Variants in UNC79 observed in about 807,000 individuals in gnomAD.
The protein encoded by UNC79 is unc-79 subunit of NALCN channel complex.
UNC79 carries 37 observed loss-of-function variants against 283.1 expected under a neutral mutation model. The ratio of observed to expected loss-of-function variants is 0.13; its 90% CI spans 0.10 to 0.17. UNC79 has a LOEUF of 0.17. Ranked by LOEUF, UNC79 falls within the 10% of genes least tolerant of loss-of-function variation. The pLI, the probability that UNC79 is intolerant of heterozygous loss-of-function variation, is 1.00. For synonymous variants in UNC79, 1,107 were observed against 1,200.2 expected, an observed-to-expected ratio of 0.92 and a Z score of 1.61; for missense variants, 2,272 against 3,211.1, an observed-to-expected ratio of 0.71 and a Z score of 7.07.
chr14:93,532,475 ATAAAT>A (rs1185036241), intron 10 of UNC79, 70 bp from the exon 11 acceptor site: 10 of 1,524,922 alleles, frequency 6.6e-6, no homozygotes, highest in African/African-American at 2.8e-5. Context: ...GTCTCAAAAA[ATAAAT>A]TAATTAATTA....
intron 11 of UNC79, among the ~76,000 whole-genome samples, chr14:93,535,404 G>A (rs2061019993): frequency 1.3e-5 from 2 of 152,114 alleles, no homozygotes; most frequent in Admixed American, 6.5e-5. Context: ...ACTTTTAGTC[G>A]GTATTCCAGA....
chr14:93,397,799 C>T (rs2055028586), intron 1 of UNC79, among the ~76,000 whole-genome samples: 1 of 149,770 alleles, frequency 6.7e-6, no homozygotes, highest in East Asian at 1.9e-4. Flanking sequence ...TGGTGTGCAC[C>T]TGGAATTCCA....
intron 2 of UNC79, among the ~76,000 whole-genome samples, chr14:93,469,315 A>C (rs2057377822): frequency 6.6e-6 from 1 of 152,190 alleles, no homozygotes; most frequent in Admixed American, 6.5e-5. Flanking sequence ...GTTGGAGAAG[A>C]TCCTATGCAA....
chr14:93,470,786 A>G (rs1294542246), intron 2 of UNC79, among the ~76,000 whole-genome samples: 2 of 152,206 alleles, frequency 1.3e-5, no homozygotes, highest in African/African-American at 4.8e-5. Context: ...TTTTAGCATT[A>G]GAAGTAACTA....
intron 48 of UNC79, 56 bp downstream of exon 51, chr14:93,704,722 G>A (rs1020353687): frequency 2.8e-5 from 45 of 1,585,396 alleles, no homozygotes; most frequent in South Asian, 1.2e-4. Context: ...AACGTATAAC[G>A]TTCCTAGGGA....
chr14:93,705,307 C>G (rs1398308341), intron 48 of UNC79, among the ~76,000 whole-genome samples: 1 of 106,988 alleles, frequency 9.3e-6, no homozygotes, highest in Non-Finnish European at 1.8e-5. Flanking sequence ...TTTGCAGTAA[C>G]AAGATTGTGT....
At chr14:93,355,711 T>C (rs1340839768) in intron 1 of UNC79, among the ~76,000 whole-genome samples, 2 of 152,244 alleles carry the variant, frequency 1.3e-5, no homozygotes, top group Non-Finnish European at 2.9e-5. Flanking sequence ...CTTCATCTCT[T>C]AACAACTCTT....
In UNC79 at chr14:93,682,598, C is replaced by A. The variant is rs966375690; in HGVS notation, c.6742-19C>A. ...TCCAGATACCCTTAAAAATAATTATCCTTTCACTTTTTTATTAGTTTATTT... is the reference window on the plus strand; with the variant it reads ...TCCAGATACCCTTAAAAATAATTATACTTTCACTTTTTTATTAGTTTATTT... On this transcript the variant is annotated intron_variant, in intron 41 of 48. Coordinates refer to ENST00000555664, the Ensembl canonical transcript of UNC79. 6.2e-7 allele frequency: 1 copy of A among 1,605,884 alleles called. No homozygotes were observed. Among genetic ancestry groups the A allele is most frequent in the African/African-American group, 1.3e-5 (1 of 74,772 alleles).
intron 1 of UNC79, among the ~76,000 whole-genome samples, chr14:93,436,265 T>C (rs1264722594): frequency 6.6e-6 from 1 of 152,218 alleles, no homozygotes; most frequent in African/African-American, 2.4e-5. Flanking sequence ...ATGCATGCTT[T>C]TCAAATGGAT....
At chr14:93,660,559 A>ATATATATATATATC (rs2071465145) in intron 39 of UNC79, among the ~76,000 whole-genome samples, 1 of 86,848 alleles carries the variant, frequency 1.2e-5, no homozygotes, top group Non-Finnish European at 2.2e-5. Flanking sequence ...ATATATATAT[A>ATATATATATATATC]TATATGTGTG....
chr14:93,497,099 T>G (rs548299990), intron 6 of UNC79, 58 bp from the exon 7 acceptor site: 1 of 1,560,360 alleles, frequency 6.4e-7, no homozygotes, highest in Admixed American at 1.9e-5. Flanking sequence ...TGTTGAAGTC[T>G]CTACCTTTCT....
At chr14:93,420,851 T>A (rs999152152) in intron 1 of UNC79, among the ~76,000 whole-genome samples, 1 of 151,716 alleles carries the variant, frequency 6.6e-6, no homozygotes, top group Non-Finnish European at 1.5e-5. Context: ...TACTTCTAAA[T>A]GACCAGTGAG....
chr14:93,479,769 G>A (rs937897497), intron 4 of UNC79, among the ~76,000 whole-genome samples: 11 of 152,166 alleles, frequency 7.2e-5, no homozygotes, highest in African/African-American at 2.7e-4. Context: ...CAAGTAGGGT[G>A]TGAAGGCCTC....
chr14:93,653,968 G>A (rs777508770), exon 37 of UNC79: 25 of 1,613,994 alleles, frequency 1.5e-5, no homozygotes, highest in Non-Finnish European at 1.9e-5. Flanking sequence ...CCTTAGCCTC[G>A]TCTCTGATGG....
At chr14:93,655,457 G>C in intron 38 of UNC79, 50 bp downstream of exon 41, 1 of 1,593,226 alleles carries the variant, frequency 6.3e-7, no homozygotes, top group Non-Finnish European at 8.6e-7. Context: ...ACCATTTTCA[G>C]ACCGTTTATT....
intron 14 of UNC79, among the ~76,000 whole-genome samples, chr14:93,559,372 T>A (rs2062400263): frequency 6.6e-6 from 1 of 152,220 alleles, no homozygotes; most frequent in African/African-American, 2.4e-5. Flanking sequence ...TTCTGACTAC[T>A]AAGCTAGTGG....
chr14:93,593,538 C>T (rs1261838091), intron 22 of UNC79, 142 bp from the exon 23 acceptor site: 1 of 905,252 alleles, frequency 1.1e-6, no homozygotes, highest in Non-Finnish European at 1.7e-6. Flanking sequence ...GAGGATTATC[C>T]TCTCGTGGAT....
chr14:93,488,562 G>A (rs916938484), intron 5 of UNC79, among the ~76,000 whole-genome samples: 1 of 151,984 alleles, frequency 6.6e-6, no homozygotes, highest in Non-Finnish European at 1.5e-5. Flanking sequence ...CTCAGAATGA[G>A]GAAAAATTTT....
rs1555394962 is a variant in UNC79, at chr14:93,660,563, A to ATGTG, written c.6525+1316_6525+1319dup. 4.9e-3 allele frequency among the ~76,000 whole-genome samples: 317 copies of ATGTG among 64,634 alleles called. 7 individuals carry two copies. The highest frequency in any genetic ancestry group is 0.022 in the East Asian group (41 of 1,828). The allele number at this position is 64,634 out of a possible 152,430, so 42.4% of individuals were successfully genotyped here. Reference sequence around the variant, plus strand: ...TATATATATATATATATATATATATATGTGTGTGTGTGTGTGTTCATTTTA... The same window carrying ATGTG: ...TATATATATATATATATATATATATATGTGTGTGTGTGTGTGTGTGTTCATTTTA... On this transcript the variant is annotated intron_variant, in intron 39 of 48. Transcript: ENST00000555664.
Sources: gnomAD v4.1 joint callset for allele counts (sites outside exome capture counted in the v4.1 genomes callset) on GRCh38, gnomAD v4.1.1 for gene constraint, MANE v1.5 for transcripts, NCBI Gene and HGNC (gene_info 2026-07-23, HGNC 2026-07-21) for gene names.